DPF3: variants seen among roughly 807,000 people sequenced by gnomAD.
DPF3 encodes zinc finger protein DPF3.
A neutral mutation model predicts 56.8 loss-of-function variants in DPF3; 18 were observed. The observed-to-expected ratio is 0.32, with a 90% confidence interval of 0.22 to 0.47. DPF3 has a LOEUF of 0.47. Ranked by LOEUF, DPF3 falls within the 20% of genes least tolerant of loss-of-function variation. The probability of loss-of-function intolerance (pLI) is 1.00; values close to 1 mark genes in which losing one functional copy is unlikely to be tolerated. For synonymous variants in DPF3, 188 were observed against 180.2 expected (o/e 1.04, Z -0.35); for missense variants, 403 against 488.8 (o/e 0.82, Z 1.65).
chr14:72,864,808 C>T (rs2140103119), intron 1 of DPF3, among the ~76,000 whole-genome samples: 1 of 152,322 alleles, frequency 6.6e-6, no homozygotes, highest in Non-Finnish European at 1.5e-5. Context: ...GGTAGAAGCA[C>T]TGCAGGCTGG....
chr14:72,714,305 G>A, intron 6 of DPF3, 118 bp downstream of exon 6: 2 of 1,281,598 alleles, frequency 1.6e-6, no homozygotes, highest in Non-Finnish European at 2.2e-6. Context: ...GGTGCAGACA[G>A]AGGAAGAGGA....
In DPF3 at chr14:72,795,296, AT is replaced by A. The variant is rs1166879141; in HGVS notation, c.33-23404del. Among the ~76,000 whole-genome samples, 334 of 96,246 alleles carry A rather than the reference AT, an allele frequency of 3.5e-3. 3 individuals are homozygous for A. Among genetic ancestry groups the A allele is most frequent in the Middle Eastern group, 0.019 (4 of 206 alleles). 63.1% of individuals were successfully genotyped at this position (96,246 alleles called of 152,430 possible). ...TTTTGACAAAAAAAAAAAAAAAAAA[AT>A]ATATATATATATATATATATAAGGC... On this transcript the variant is annotated intron_variant, in intron 1 of 10. Transcript: ENST00000556509.
chr14:72,859,473 C>G (rs1264504469), intron 1 of DPF3, among the ~76,000 whole-genome samples: 3 of 94,000 alleles, frequency 3.2e-5, no homozygotes, highest in Admixed American at 9.7e-5. Flanking sequence ...GCTTCCTCCC[C>G]CCCCCCCCCC....
At chr14:72,697,344 G>A (rs1887948222) in intron 6 of DPF3, among the ~76,000 whole-genome samples, 1 of 152,162 alleles carries the variant, frequency 6.6e-6, no homozygotes, top group African/African-American at 2.4e-5. Flanking sequence ...AGGGGGAGGT[G>A]GGTTGGATAC....
intron 8 of DPF3, among the ~76,000 whole-genome samples, chr14:72,647,077 T>C (rs1375055287): frequency 1.3e-5 from 2 of 152,206 alleles, no homozygotes; most frequent in Admixed American, 1.3e-4. Flanking sequence ...ACTCTCATCC[T>C]GAGTCAGCCT....
intron 1 of DPF3, among the ~76,000 whole-genome samples, chr14:72,844,396 G>A (rs1411188866): frequency 6.6e-6 from 1 of 152,066 alleles, no homozygotes; most frequent in Non-Finnish European, 1.5e-5. Flanking sequence ...ATTGGAGGGG[G>A]GAAAATTCCC....
intron 1 of DPF3, among the ~76,000 whole-genome samples, chr14:72,859,375 G>A (rs1307757632): frequency 6.6e-6 from 1 of 152,000 alleles, no homozygotes; most frequent in African/African-American, 2.4e-5. Context: ...CACCCAGCTG[G>A]CAGCATTTCT....
At chr14:72,780,072 G>A (rs1891909905) in intron 1 of DPF3, among the ~76,000 whole-genome samples, 1 of 152,206 alleles carries the variant, frequency 6.6e-6, no homozygotes, top group African/African-American at 2.4e-5. Flanking sequence ...AATGATGAGT[G>A]AATGAGTGAA....
At position 72,716,760 on chromosome 14, in the gene DPF3, GTTC is replaced by G. The variant is rs1888946169; in HGVS notation, c.526-2262_526-2260del. Among the ~76,000 whole-genome samples, 3 of 152,224 alleles carry G rather than the reference GTTC, an allele frequency of 2.0e-5. No homozygotes were observed. The East Asian group carries it at 5.8e-4, about 29-fold the overall frequency. ...GCAGGCAGCGAGTCAGTCATCTCTG[GTTC>G]TTCTCCTTCATTCTCTGTATCCAAA... On this transcript the variant is annotated intron_variant, in intron 5 of 10. Transcript: ENST00000556509.
chr14:72,757,933 GT>G (rs940209368), intron 2 of DPF3, among the ~76,000 whole-genome samples: 152 of 150,358 alleles, frequency 1.0e-3, no homozygotes, highest in African/African-American at 2.6e-3. Context: ...GTGTTTGCAT[GT>G]TTTTTTTTAT....
intron 1 of DPF3, among the ~76,000 whole-genome samples, chr14:72,793,344 G>A (rs1035149498): frequency 9.8e-5 from 15 of 152,294 alleles, no homozygotes; most frequent in African/African-American, 2.6e-4. Context: ...AGACAGCTGA[G>A]GTCACTTGCT....
chr14:72,811,879 G>A (rs1417307324), intron 1 of DPF3, among the ~76,000 whole-genome samples: 3 of 152,094 alleles, frequency 2.0e-5, no homozygotes, highest in Admixed American at 6.5e-5. Flanking sequence ...TGGAGAGTTG[G>A]TGGCTTGCTC....
chr14:72,839,256 C>T (rs1342297648), intron 1 of DPF3, among the ~76,000 whole-genome samples: 1 of 151,954 alleles, frequency 6.6e-6, no homozygotes, highest in Non-Finnish European at 1.5e-5. Context: ...GGAACAAAAT[C>T]GTATTCCCAT....
intron 8 of DPF3, among the ~76,000 whole-genome samples, chr14:72,646,464 C>T (rs1016091809): frequency 6.6e-6 from 1 of 152,210 alleles, no homozygotes; most frequent in African/African-American, 2.4e-5. Flanking sequence ...CAGATAAAAG[C>T]CCTTTGGCCA....
Position 72,863,100 on chromosome 14 carries a change from A to ATG in DPF3, c.32+30955_32+30956dup, listed in dbSNP as rs1555514174. 2.8e-3 allele frequency among the ~76,000 whole-genome samples: 305 copies of ATG among 110,444 alleles called. 3 individuals are homozygous for ATG. Among genetic ancestry groups the ATG allele is most frequent in the African/African-American group, 7.8e-3 (221 of 28,428 alleles). The allele number at this position is 110,444 out of a possible 152,430, so 72.5% of individuals were successfully genotyped here. A position where few individuals can be genotyped will look rare whatever the true frequency, so the allele number is the denominator to read the frequency against. On this transcript the variant is annotated intron_variant, in intron 1 of 10. Transcript: ENST00000556509. ...TATATATATATATATATATATATATATGTGTGTGTATACATATATGTGTGT... is the reference window on the plus strand; with the variant it reads ...TATATATATATATATATATATATATATGTGTGTGTGTATACATATATGTGTGT...
intron 1 of DPF3, among the ~76,000 whole-genome samples, chr14:72,778,863 A>T (rs1076432): frequency 0.11 from 16,686 of 152,236 alleles, 1,188 homozygotes; most frequent in Middle Eastern, 0.29. Context: ...TTTCAACTCA[A>T]TTCAATGTTT....
intron 1 of DPF3, among the ~76,000 whole-genome samples, chr14:72,799,273 T>A (rs1414041578): frequency 6.6e-6 from 1 of 152,174 alleles, no homozygotes; most frequent in African/African-American, 2.4e-5. Context: ...TACCTCCATT[T>A]TCTACCTCTC....
At chr14:72,811,780 T>C (rs1329036528) in intron 1 of DPF3, among the ~76,000 whole-genome samples, 2 of 152,182 alleles carry the variant, frequency 1.3e-5, no homozygotes, top group African/African-American at 4.8e-5. Flanking sequence ...TTCACATATA[T>C]TGTCTCTTGT....
chr14:72,656,318 G>A (rs867154775), intron 8 of DPF3, among the ~76,000 whole-genome samples: 4 of 152,094 alleles, frequency 2.6e-5, no homozygotes, highest in African/African-American at 7.2e-5. Context: ...CTAGTTTAAC[G>A]CAGCTTGGTT....
Sources: allele counts gnomAD v4.1 joint callset (sites outside exome capture counted in the v4.1 genomes callset), GRCh38; gene constraint gnomAD v4.1.1; transcripts MANE v1.5; gene names NCBI Gene and HGNC (gene_info 2026-07-23, HGNC 2026-07-21).